The following RAB11FIP4 variants were observed in gnomAD, a reference collection of about 807,000 sequenced individuals.
The protein encoded by RAB11FIP4 is RAB11 family interacting protein 4.
Under a neutral mutation model 74.3 loss-of-function variants are expected in RAB11FIP4, and 23 were observed. The ratio of observed to expected loss-of-function variants is 0.31; its 90% CI spans 0.22 to 0.44. The LOEUF (loss-of-function observed/expected upper bound fraction) is 0.44, where lower values mean the gene tolerates loss of function less well. Ranked by LOEUF, RAB11FIP4 falls within the 20% of genes least tolerant of loss-of-function variation. The pLI, the probability that RAB11FIP4 is intolerant of heterozygous loss-of-function variation, is 1.00. For synonymous variants in RAB11FIP4, 360 were observed against 359.9 expected, an observed-to-expected ratio of 1.00 and a Z score of 0.00; for missense variants, 630 against 863.9, an observed-to-expected ratio of 0.73 and a Z score of 3.39.
chr17:31,488,829 G>T (rs2071952080), intron 3 of RAB11FIP4, among the ~76,000 whole-genome samples: 1 of 152,160 alleles, frequency 6.6e-6, no homozygotes, highest in Non-Finnish European at 1.5e-5. Flanking sequence ...TGAGGCGGCC[G>T]GTCTGGCCCG....
chr17:31,523,794 A>G lies in RAB11FIP4; in HGVS notation c.1030-99A>G. The G allele has an allele frequency of 2.9e-6, 3 of 1,038,090 alleles. No homozygotes were observed. The Admixed American group carries it at 5.8e-5, about 20-fold the overall frequency. The allele number at this position is 1,038,090 out of a possible 1,614,324, so 64.3% of individuals were successfully genotyped here. A position where few individuals can be genotyped will look rare whatever the true frequency, so the allele number is the denominator to read the frequency against. ...CACACATGACCGTTCTCAGATACAC[A>G]GTGGTTTGGAGGTCCTGCTCATGAA... On this transcript the variant is annotated intron_variant, in intron 8 of 14. Coordinates refer to ENST00000621161, the MANE Select transcript of RAB11FIP4 (RefSeq NM_032932.6).
At chr17:31,416,533 C>T (rs11657064) in intron 1 of RAB11FIP4, among the ~76,000 whole-genome samples, 84,659 of 152,166 alleles carry the variant, frequency 0.56, 27,440 homozygotes, top group Non-Finnish European at 0.71. Context: ...TTTGTCCCAC[C>T]GGCCGGCCTG....
At chr17:31,509,995 C>G (rs968677057) in intron 3 of RAB11FIP4, among the ~76,000 whole-genome samples, 2 of 152,214 alleles carry the variant, frequency 1.3e-5, no homozygotes, top group African/African-American at 4.8e-5. Flanking sequence ...ATCTGCAGAG[C>G]AAGGCCTGAC....
At chr17:31,430,748 A>G (rs977216958) in intron 1 of RAB11FIP4, among the ~76,000 whole-genome samples, 5 of 152,144 alleles carry the variant, frequency 3.3e-5, no homozygotes, top group East Asian at 1.9e-4. Context: ...TTAGACTTGC[A>G]TGATCCAGGA....
rs968034511 is a variant in RAB11FIP4 at position 31,447,856 on chromosome 17, T to G, written c.336+13734T>G. Among the ~76,000 whole-genome samples, 3 of 149,158 alleles carry G rather than the reference T, an allele frequency of 2.0e-5. No individual in the cohort carries two copies. The South Asian group carries it at 6.4e-4, about 32-fold the overall frequency. ...TTATTTTTGAGACAGGATCTCACTCTAGCACCCGGGTTGGAGTGCAGTGGC... is the reference window on the plus strand; with the variant it reads ...TTATTTTTGAGACAGGATCTCACTCGAGCACCCGGGTTGGAGTGCAGTGGC... On this transcript the variant is annotated intron_variant, in intron 3 of 14. Transcript: ENST00000621161.
Position 31,445,555 on chromosome 17 carries a change from T to C in RAB11FIP4, c.336+11433T>C, listed in dbSNP as rs1567658188. Among the ~76,000 whole-genome samples, 78 of 12,534 alleles carry C rather than the reference T, an allele frequency of 6.2e-3. 1 individual carries two copies. The highest frequency in any genetic ancestry group is 0.012 in the Non-Finnish European group (71 of 5,902). 8.2% of individuals were successfully genotyped at this position (12,534 alleles called of 152,430 possible). Reference sequence around the variant, plus strand: ...TTTTATATATATATATATATATATATATATATATATATATATATATATATT... The same window carrying C: ...TTTTATATATATATATATATATATACATATATATATATATATATATATATT... On this transcript the variant is annotated intron_variant, in intron 3 of 14. Transcript: ENST00000621161.
At chr17:31,475,652 G>C (rs1158860970) in intron 3 of RAB11FIP4, among the ~76,000 whole-genome samples, 4 of 152,136 alleles carry the variant, frequency 2.6e-5, no homozygotes, top group Non-Finnish European at 5.9e-5. Flanking sequence ...CATTCTCACG[G>C]TGGTGAAGAT....
intron 3 of RAB11FIP4, among the ~76,000 whole-genome samples, chr17:31,438,231 C>G (rs72815664): frequency 6.6e-6 from 1 of 151,866 alleles, no homozygotes; most frequent in African/African-American, 2.4e-5. Context: ...GTGGAGAGCC[C>G]GACACTCGGG....
intron 3 of RAB11FIP4, among the ~76,000 whole-genome samples, chr17:31,498,035 A>G (rs1435334956): frequency 2.0e-5 from 3 of 152,064 alleles, no homozygotes; most frequent in Admixed American, 2.0e-4. Context: ...GTACTAGGGA[A>G]GGGGAGAGGC....
chr17:31,453,620 T>C (rs1176969460), intron 3 of RAB11FIP4, among the ~76,000 whole-genome samples: 3 of 149,198 alleles, frequency 2.0e-5, no homozygotes, highest in African/African-American at 7.4e-5. Flanking sequence ...AGGTCAGGAG[T>C]TCGAGACCAG....
chr17:31,403,649 G>A (rs998059893), intron 1 of RAB11FIP4, among the ~76,000 whole-genome samples: 6 of 152,048 alleles, frequency 3.9e-5, no homozygotes, highest in South Asian at 2.1e-4. Flanking sequence ...AATCCCTTTC[G>A]TCATCACGGC....
At chr17:31,459,213 CAG>C (rs1802293254) in intron 3 of RAB11FIP4, among the ~76,000 whole-genome samples, 1 of 152,150 alleles carries the variant, frequency 6.6e-6, no homozygotes. Flanking sequence ...AGCCACCTGT[CAG>C]AGAGATCTAC....
intron 3 of RAB11FIP4, among the ~76,000 whole-genome samples, chr17:31,455,002 C>T (rs2071565573): frequency 6.6e-6 from 1 of 152,170 alleles, no homozygotes; most frequent in South Asian, 2.1e-4. Flanking sequence ...AGTCTCTGGT[C>T]TCCTGTCTGA....
intron 3 of RAB11FIP4, chr17:31,488,343 G>GC (rs2071941620): frequency 8.9e-7 from 1 of 1,122,714 alleles, no homozygotes; most frequent in African/African-American, 1.7e-5. Flanking sequence ...CCGGCCCGCG[G>GC]CCCCGGGAAG....
At chr17:31,414,587 T>C (rs1298794676) in intron 1 of RAB11FIP4, among the ~76,000 whole-genome samples, 1 of 152,176 alleles carries the variant, frequency 6.6e-6, no homozygotes, top group African/African-American at 2.4e-5. Flanking sequence ...GATGGAGGTG[T>C]TGGCGGTCCC....
intron 1 of RAB11FIP4, among the ~76,000 whole-genome samples, chr17:31,414,530 C>T (rs998270811): frequency 1.1e-4 from 16 of 152,226 alleles, no homozygotes; most frequent in Non-Finnish European, 2.1e-4. Flanking sequence ...ATTCTGTCAG[C>T]CCAGACTCAG....
intron 3 of RAB11FIP4, among the ~76,000 whole-genome samples, chr17:31,436,641 A>G (rs1207061771): frequency 6.6e-6 from 1 of 152,162 alleles, no homozygotes; most frequent in Non-Finnish European, 1.5e-5. Context: ...GGTTATGGGA[A>G]AGCAGAAAGA....
intron 3 of RAB11FIP4, among the ~76,000 whole-genome samples, chr17:31,511,429 C>T (rs2072450546): frequency 6.6e-6 from 1 of 152,238 alleles, no homozygotes; most frequent in Non-Finnish European, 1.5e-5. Flanking sequence ...ACACCAGAGT[C>T]GGCACCCAGG....
intron 1 of RAB11FIP4, among the ~76,000 whole-genome samples, chr17:31,405,124 G>A (rs377026607): frequency 2.0e-5 from 3 of 152,240 alleles, no homozygotes; most frequent in East Asian, 3.9e-4. Context: ...GGGAGAAGGG[G>A]CTGAGGTGGG....
Sources: allele counts gnomAD v4.1 joint callset (sites outside exome capture counted in the v4.1 genomes callset), GRCh38; gene constraint gnomAD v4.1.1; transcripts MANE v1.5; gene names NCBI Gene and HGNC (gene_info 2026-07-23, HGNC 2026-07-21).